Variants in AP2B1 observed in about 807,000 individuals in gnomAD.
AP2B1 encodes AP-2 complex subunit beta.
In AP2B1, 23 loss-of-function variants were observed where a neutral mutation model predicts 102.0. The observed-to-expected ratio is 0.23, with a 90% confidence interval of 0.16 to 0.32. The LOEUF is 0.32. AP2B1 is among the 10% of genes least tolerant of loss of function. AP2B1 has a pLI of 1.00. For missense variants in AP2B1, 541 were observed against 1,157.4 expected (o/e 0.47, Z 7.73); for synonymous variants, 381 against 421.2 (o/e 0.90, Z 1.17).
chr17:35,643,445 T>C (rs1357842413), intron 12 of AP2B1, among the ~76,000 whole-genome samples: 1 of 152,196 alleles, frequency 6.6e-6, no homozygotes, highest in Non-Finnish European at 1.5e-5. Context: ...CATTGTCTGT[T>C]AAAGCCTATG....
chr17:35,614,245 T>A (rs2073948725), intron 5 of AP2B1, among the ~76,000 whole-genome samples: 1 of 152,210 alleles, frequency 6.6e-6, no homozygotes, highest in Non-Finnish European at 1.5e-5. Context: ...TCACCCAGGC[T>A]GGTGTGCAAT....
At chr17:35,686,373 C>G (rs1461987472) in intron 18 of AP2B1, among the ~76,000 whole-genome samples, 1 of 152,192 alleles carries the variant, frequency 6.6e-6, no homozygotes, top group East Asian at 1.9e-4. Flanking sequence ...CTCTTGATGT[C>G]CTTGTTTCTC....
chr17:35,642,884 C>T (rs2074821882), intron 12 of AP2B1, among the ~76,000 whole-genome samples: 1 of 152,132 alleles, frequency 6.6e-6, no homozygotes, highest in Non-Finnish European at 1.5e-5. Context: ...TAAGCATCTT[C>T]CTCTGCCTGA....
rs751254254 is a variant in AP2B1, at chr17:35,626,579, A to G, written c.717-42A>G. On this transcript the variant is annotated intron_variant, in intron 6 of 21. Coordinates refer to ENST00000610402, the MANE Select transcript of AP2B1 (RefSeq NM_001030006.2). ...ACCTTATAGAATGAATTCAGCAAAT[A>G]AATTATAATTCATGATATTAATTTT... The G allele has an allele frequency of 4.1e-6, 6 of 1,460,730 alleles. No homozygotes were observed. The South Asian group carries it at 4.6e-5, about 11-fold the overall frequency. The allele number at this position is 1,460,730 out of a possible 1,614,324, so 90.5% of individuals were successfully genotyped here. A position where few individuals can be genotyped will look rare whatever the true frequency, so the allele number is the denominator to read the frequency against.
At chr17:35,721,167 A>C (rs782074915) in intron 21 of AP2B1, among the ~76,000 whole-genome samples, 31 of 152,226 alleles carry the variant, frequency 2.0e-4, no homozygotes, top group Non-Finnish European at 1.2e-4. Flanking sequence ...TATTTTATTA[A>C]GAAGATAGGT....
Position 35,626,691 on chromosome 17 carries a change from C to G in AP2B1, c.787C>G (p.Leu263Val). The change falls in exon 7 of 22, where the codon CTA becomes GTA. Residue 263 changes from leucine (L) to valine (V), a missense_variant. Coordinates refer to ENST00000610402, the MANE Select transcript of AP2B1 (RefSeq NM_001030006.2). ...SAVVLSAVKV[L>V]MKFLELLPKD... is the part of the protein sequence containing the mutation. ...AGTGGTGCTTTCAGCGGTAAAAGTC[C>G]TAATGAAGTTTCTAGAATTGTTACC... The G allele has an allele frequency of 6.2e-7, 1 of 1,613,706 alleles. No homozygotes were observed.
chr17:35,675,631 T>C (rs548017957), intron 17 of AP2B1, among the ~76,000 whole-genome samples: 2,352 of 150,556 alleles, frequency 0.016, 29 homozygotes, highest in African/African-American at 0.043. Flanking sequence ...TTTTTTTTTT[T>C]CCTTTTTTTT....
At chr17:35,611,000 A>G (rs551614983) in intron 5 of AP2B1, among the ~76,000 whole-genome samples, 95 of 152,028 alleles carry the variant, frequency 6.2e-4, no homozygotes, top group Non-Finnish European at 1.2e-3. Context: ...CCTTGAGCCC[A>G]GGAGTTTAAG....
At chr17:35,691,709 C>A (rs1346244217) in intron 18 of AP2B1, among the ~76,000 whole-genome samples, 1 of 152,160 alleles carries the variant, frequency 6.6e-6, no homozygotes, top group East Asian at 1.9e-4. Flanking sequence ...TCCAAATGAT[C>A]CCTGTAGACC....
rs75334052 is a variant in AP2B1 at position 35,595,648 on chromosome 17, G to C, written c.37+1581G>C. ...TAACAGTGCTTGGTAGATTTGATTG[G>C]GGGGAGGAGGAGGGAGAAAATATAG... is the stretch of plus-strand genomic sequence containing the variant. On this transcript the variant is annotated intron_variant, in intron 2 of 21. Transcript: ENST00000610402. Among the ~76,000 whole-genome samples, 391 of 152,236 alleles carry C rather than the reference G, an allele frequency of 2.6e-3. 12 individuals carry two copies. In the East Asian group the frequency reaches 0.067, roughly 26 times the overall value.
intron 20 of AP2B1, among the ~76,000 whole-genome samples, chr17:35,716,361 C>T (rs1363449925): frequency 3.3e-5 from 5 of 152,130 alleles, no homozygotes; most frequent in Non-Finnish European, 5.9e-5. Context: ...AATTCTGGAA[C>T]GTTATGTCCT....
chr17:35,655,030 T>C (rs2075182548), intron 13 of AP2B1, among the ~76,000 whole-genome samples: 1 of 152,164 alleles, frequency 6.6e-6, no homozygotes, highest in South Asian at 2.1e-4. Context: ...AGAGCATACC[T>C]GTGTTGGATT....
rs760436832 is a variant in AP2B1 at position 35,624,455 on chromosome 17, A to T, written c.584A>T (p.Asn195Ile). 1 of 1,614,188 alleles carries T rather than the reference A, an allele frequency of 6.2e-7. No homozygotes were observed. The highest frequency in any genetic ancestry group is 8.5e-7 in the Non-Finnish European group (1 of 1,180,020). ...ATCAGTGAGTCTCACCCAAACAGCAACTTACTTGATCTGAACCCACAGAAC... is the reference window on the plus strand; with the variant it reads ...ATCAGTGAGTCTCACCCAAACAGCATCTTACTTGATCTGAACCCACAGAAC... ...SEISESHPNS[N>I]LLDLNPQNIN... The change falls in exon 6 of 22, where the codon AAC becomes ATC. Residue 195 changes from asparagine (N) to isoleucine (I), a missense_variant. Around this residue, in one of 10 missense-constraint regions of AP2B1, gnomAD observed 134 missense variants for 250.2 expected, o/e 0.54. Coordinates refer to ENST00000610402, the MANE Select transcript of AP2B1 (RefSeq NM_001030006.2).
intron 13 of AP2B1, among the ~76,000 whole-genome samples, chr17:35,656,173 C>T (rs1426879450): frequency 6.6e-6 from 1 of 152,108 alleles, no homozygotes; most frequent in East Asian, 1.9e-4. Flanking sequence ...TTATCTTCTC[C>T]AAGCTTATAA....
chr17:35,635,819 C>T (rs1031355599), intron 9 of AP2B1, among the ~76,000 whole-genome samples: 1 of 152,064 alleles, frequency 6.6e-6, no homozygotes, highest in Admixed American at 6.6e-5. Context: ...GTCAAAGCCT[C>T]CCAAGTAGCT....
chr17:35,592,595 T>G (rs2073136583), intron 1 of AP2B1, among the ~76,000 whole-genome samples: 1 of 152,118 alleles, frequency 6.6e-6, no homozygotes, highest in African/African-American at 2.4e-5. Context: ...CAGGCTGGAG[T>G]GCAGTGGCGT....
intron 14 of AP2B1, chr17:35,659,768 A>G: frequency 1.0e-6 from 1 of 983,874 alleles, no homozygotes; most frequent in Non-Finnish European, 1.2e-6. Flanking sequence ...TTACAGCCCC[A>G]GAAATTGTTT....
intron 13 of AP2B1, among the ~76,000 whole-genome samples, chr17:35,654,192 GCT>G (rs1365055065): frequency 6.6e-6 from 1 of 151,850 alleles, no homozygotes; most frequent in Non-Finnish European, 1.5e-5. Context: ...CTCCTGAGTG[GCT>G]GGGACTACAG....
At chr17:35,695,050 T>C (rs587729665) in intron 18 of AP2B1, among the ~76,000 whole-genome samples, 209 of 152,290 alleles carry the variant, frequency 1.4e-3, no homozygotes, top group African/African-American at 4.9e-3. Context: ...TGTAGCTGTG[T>C]AGCTATCATT....
Sources: allele counts gnomAD v4.1 joint callset (sites outside exome capture counted in the v4.1 genomes callset), GRCh38; gene constraint gnomAD v4.1.1; regional missense constraint gnomAD v4.1.1; transcripts MANE v1.5; gene names NCBI Gene and HGNC (gene_info 2026-07-23, HGNC 2026-07-21).